LPCAT2: variants seen among roughly 807,000 people sequenced by gnomAD.
The protein encoded by LPCAT2 is 1-AGP acyltransferase 11.
LPCAT2 carries 58 observed loss-of-function variants against 64.7 expected under a neutral mutation model. The observed-to-expected ratio is 0.90, with a 90% CI of 0.73 to 1.12. The LOEUF is 1.12. Ranked by LOEUF, LPCAT2 falls within the 50% of genes most tolerant of loss-of-function variation. The pLI is 0.00. For missense variants in LPCAT2, 579 were observed against 669.8 expected, an observed-to-expected ratio of 0.86 and a Z score of 1.50; for synonymous variants, 252 against 245.3, an observed-to-expected ratio of 1.03 and a Z score of -0.26.
chr16:55,525,207 T>G (rs1412187536), intron 1 of LPCAT2, among the ~76,000 whole-genome samples: 1 of 152,150 alleles, frequency 6.6e-6, no homozygotes, highest in Non-Finnish European at 1.5e-5. Context: ...CCCTGGCTGC[T>G]AAATCATATA....
intron 11 of LPCAT2, chr16:55,566,772 G>T (rs751740095): frequency 1.2e-6 from 2 of 1,611,156 alleles, no homozygotes; most frequent in African/African-American, 1.3e-5. Flanking sequence ...TCTTGCAAAG[G>T]CTCTATTGGA....
intron 11 of LPCAT2, among the ~76,000 whole-genome samples, chr16:55,557,664 C>T (rs1171986910): frequency 6.6e-6 from 1 of 152,178 alleles, no homozygotes; most frequent in Non-Finnish European, 1.5e-5. Flanking sequence ...CCCACTTTAT[C>T]CTCCTTTCCC....
chr16:55,564,900 A>C (rs1963675578), intron 11 of LPCAT2, among the ~76,000 whole-genome samples: 1 of 152,028 alleles, frequency 6.6e-6, no homozygotes, highest in Non-Finnish European at 1.5e-5. Flanking sequence ...CAGAGTGGAA[A>C]GGTAACCTAC....
chr16:55,509,603 C>A (rs1277267651), intron 1 of LPCAT2, among the ~76,000 whole-genome samples: 1 of 78,622 alleles, frequency 1.3e-5, no homozygotes, highest in Non-Finnish European at 2.7e-5. Context: ...GTAGGTCTGA[C>A]GGGGGAGGGC....
intron 1 of LPCAT2, among the ~76,000 whole-genome samples, chr16:55,522,720 T>C (rs186459761): frequency 1.3e-5 from 2 of 151,816 alleles, no homozygotes; most frequent in African/African-American, 2.4e-5. Context: ...CATTGAGAAA[T>C]GTCAAGTCTT....
intron 1 of LPCAT2, among the ~76,000 whole-genome samples, chr16:55,512,401 A>G (rs1962945558): frequency 6.6e-6 from 1 of 152,186 alleles, no homozygotes; most frequent in African/African-American, 2.4e-5. Context: ...TGTTTCTTGA[A>G]ATAATACTTC....
intron 12 of LPCAT2, 60 bp from the exon 13 acceptor site, chr16:55,579,049 A>G (rs1253306515): frequency 6.6e-7 from 1 of 1,522,030 alleles, no homozygotes; most frequent in Admixed American, 1.9e-5. Flanking sequence ...TTATTTTCCA[A>G]GATTATTCCC....
At chr16:55,514,890 TTGTGTGTGTGTGTG>T (rs35295405) in intron 1 of LPCAT2, among the ~76,000 whole-genome samples, 14 of 141,236 alleles carry the variant, frequency 9.9e-5, no homozygotes, top group Non-Finnish European at 1.4e-4. Context: ...ATGCAATGCA[TTGTGTGTGTGTGTG>T]TGTGTGTGTG....
chr16:55,522,873 A>G (rs558770714), intron 1 of LPCAT2, among the ~76,000 whole-genome samples: 1 of 151,874 alleles, frequency 6.6e-6, no homozygotes, highest in African/African-American at 2.4e-5. Context: ...AGAAAAAAAT[A>G]TAGAATATCT....
At chr16:55,566,234 A>G (rs79548804) in intron 11 of LPCAT2, among the ~76,000 whole-genome samples, 2,395 of 152,218 alleles carry the variant, frequency 0.016, 57 homozygotes, top group African/African-American at 0.051. Context: ...TCCCTTCTAA[A>G]TTTTTCTTAA....
intron 11 of LPCAT2, among the ~76,000 whole-genome samples, chr16:55,564,609 C>T (rs1419074590): frequency 6.6e-6 from 1 of 151,906 alleles, no homozygotes; most frequent in East Asian, 1.9e-4. Flanking sequence ...ACGGTCTTTT[C>T]AACAAATAGT....
intron 9 of LPCAT2, among the ~76,000 whole-genome samples, chr16:55,546,371 T>C (rs1172362672): frequency 1.3e-5 from 2 of 152,146 alleles, no homozygotes; most frequent in Non-Finnish European, 2.9e-5. Context: ...TATCTTGTAA[T>C]GAAAGAATGT....
rs181754849 is a variant in LPCAT2, at chr16:55,566,516, A to G, written c.1216-8115A>G. Among the ~76,000 whole-genome samples the G allele has an allele frequency of 8.5e-5, 13 of 152,284 alleles. No individual in the cohort carries two copies. The East Asian group carries it at 2.5e-3, about 29-fold the overall frequency. ...TAAGGTGTCCTACATACTATAATTT[A>G]TAAGTATCTGGAAGAGTGAAAACAA... On this transcript the variant is annotated intron_variant, in intron 11 of 13. Transcript: ENST00000262134.
At chr16:55,547,154 GA>G (rs112018160) in intron 9 of LPCAT2, among the ~76,000 whole-genome samples, 13,527 of 141,304 alleles carry the variant, frequency 0.096, 856 homozygotes, top group African/African-American at 0.18. Context: ...TCTCAAAAAA[GA>G]AAAAAAAAAA....
intron 8 of LPCAT2, chr16:55,538,351 A>C (rs1434907906): frequency 1.3e-5 from 2 of 152,150 alleles, no homozygotes; most frequent in African/African-American, 4.8e-5. Flanking sequence ...TAGATTTTCT[A>C]ATTGCATCCA....
intron 11 of LPCAT2, among the ~76,000 whole-genome samples, chr16:55,553,010 T>C (rs1159301277): frequency 1.3e-5 from 2 of 151,682 alleles, no homozygotes; most frequent in African/African-American, 4.8e-5. Flanking sequence ...CCAAGGTGGG[T>C]GGATTTCCTG....
At chr16:55,574,469 AT>A in intron 11 of LPCAT2, among the ~76,000 whole-genome samples, 161 bp from the exon 12 acceptor site, 1 of 152,342 alleles carries the variant, frequency 6.6e-6, no homozygotes, top group East Asian at 1.9e-4. Flanking sequence ...CTTCTTGGGA[AT>A]AGTTGGGCTA....
intron 1 of LPCAT2, among the ~76,000 whole-genome samples, chr16:55,523,720 TA>T (rs1249931140): frequency 6.6e-6 from 1 of 151,842 alleles, no homozygotes; most frequent in Non-Finnish European, 1.5e-5. Context: ...CTAGAGCAGG[TA>T]AAACTACAGT....
chr16:55,545,660 G>C, intron 8 of LPCAT2, 75 bp from the exon 9 acceptor site: 1 of 912,176 alleles, frequency 1.1e-6, no homozygotes, highest in Non-Finnish European at 1.7e-6. Flanking sequence ...TATTGATAAT[G>C]TATAAATTAA....
Sources: allele counts gnomAD v4.1 joint callset (sites outside exome capture counted in the v4.1 genomes callset), GRCh38; gene constraint gnomAD v4.1.1; transcripts MANE v1.5; gene names NCBI Gene and HGNC (gene_info 2026-07-23, HGNC 2026-07-21).